The following STAU1 variants were observed in gnomAD, a reference collection of about 807,000 sequenced individuals.
STAU1 encodes staufen double-stranded RNA binding protein 1.
A neutral mutation model predicts 62.9 loss-of-function variants in STAU1; 13 were observed. That is an observed-to-expected ratio of 0.21 (90% CI 0.13 to 0.33). STAU1 has a LOEUF of 0.33. Among genes scored for constraint, STAU1 ranks in the 10% least tolerant of loss-of-function variants. The probability of loss-of-function intolerance (pLI) is 1.00; values close to 1 mark genes in which losing one functional copy is unlikely to be tolerated. For synonymous variants in STAU1, 269 were observed against 265.1 expected, an observed-to-expected ratio of 1.01 and a Z score of -0.14; for missense variants, 571 against 712.1, an observed-to-expected ratio of 0.80 and a Z score of 2.25.
Position 49,135,875 on chromosome 20 carries a change from C to T in STAU1, c.567G>A (p.Val189=). 1 of 1,613,972 alleles carries T rather than the reference C, an allele frequency of 6.2e-7. No individual in the cohort carries two copies. The highest frequency in any genetic ancestry group is 8.5e-7 in the Non-Finnish European group (1 of 1,179,990). ...ENLNKSEISQ[V]FEIALKRNLP... is the part of the protein sequence containing the mutation. ...AGTTCCGTTTAAGTGCAATCTCAAA[C>T]ACTTGACTTATTTCAGATTTATTGA... is the stretch of plus-strand genomic sequence containing the variant. Residue 189 remains valine (V), a synonymous_variant, in exon 6 of 14, where the codon GTG becomes GTA. Transcript: ENST00000371856.
intron 12 of STAU1, among the ~76,000 whole-genome samples, chr20:49,116,817 T>A (rs2092337919): frequency 6.6e-6 from 1 of 152,130 alleles, no homozygotes. Flanking sequence ...AATTCCTTGT[T>A]CTGGTGAGAG....
intron 6 of STAU1, among the ~76,000 whole-genome samples, chr20:49,125,462 G>A (rs1018936094): frequency 2.0e-4 from 30 of 149,906 alleles, no homozygotes; most frequent in African/African-American, 4.9e-4. Flanking sequence ...CCTGAGAGAC[G>A]GAGGTTGCAG....
At chr20:49,175,668 T>C (rs1238012614) in intron 1 of STAU1, among the ~76,000 whole-genome samples, 3 of 151,128 alleles carry the variant, frequency 2.0e-5, no homozygotes, top group Non-Finnish European at 2.9e-5. Flanking sequence ...TTATTTTTAG[T>C]AGAAATGGCA....
chr20:49,145,896 C>T (rs374363060), intron 5 of STAU1, among the ~76,000 whole-genome samples: 3 of 151,988 alleles, frequency 2.0e-5, no homozygotes, highest in African/African-American at 7.3e-5. Context: ...ATAGTGAGAC[C>T]TGTCTCTGTT....
At chr20:49,197,385 A>G in the STAU1 span, among the ~76,000 whole-genome samples, 1 of 146,488 alleles carries the variant, frequency 6.8e-6, no homozygotes, top group Non-Finnish European at 1.5e-5. Context: ...CATATACATA[A>G]TTTTCTTTTC....
intron 6 of STAU1, among the ~76,000 whole-genome samples, chr20:49,128,746 G>A: frequency 7.9e-6 from 1 of 126,130 alleles, no homozygotes; most frequent in East Asian, 2.3e-4. Flanking sequence ...TCAACAAACA[G>A]TGCAGGCACA....
chr20:49,191,047 A>G (rs565710790), upstream of STAU1, among the ~76,000 whole-genome samples: 1 of 141,782 alleles, frequency 7.1e-6, no homozygotes, highest in South Asian at 2.3e-4. Flanking sequence ...TTTTTTTTTG[A>G]GACAGAGTCT....
rs1211846097 is a variant in STAU1 at position 49,153,987 on chromosome 20, G to A, written c.290C>T (p.Ser97Phe). The A allele has an allele frequency of 6.2e-7, 1 of 1,613,364 alleles. No homozygotes were observed. ...KPMYKPVDPY[S>F]RMQSTYNYNM... ...GTAGTTATAGGTGGACTGCATCCGAGAGTAAGGGTCAACAGGCTTATACAT... is the reference window on the plus strand; with the variant it reads ...GTAGTTATAGGTGGACTGCATCCGAAAGTAAGGGTCAACAGGCTTATACAT... Residue 97 changes from serine (S) to phenylalanine (F), a missense_variant, in exon 4 of 14, where the codon TCT becomes TTT. This residue lies in a region of STAU1 where 414 missense variants were observed against 499.6 expected (regional missense o/e 0.83). Transcript: ENST00000371856.
intron 5 of STAU1, 65 bp from the exon 6 acceptor site, chr20:49,135,996 C>A: frequency 7.7e-7 from 1 of 1,290,832 alleles, no homozygotes. Context: ...TGAGTTGGTT[C>A]ATGCTTGTAA....
chr20:49,124,350 C>T, intron 7 of STAU1, 25 bp downstream of exon 7: 1 of 1,609,218 alleles, frequency 6.2e-7, no homozygotes, highest in Non-Finnish European at 8.5e-7. Context: ...ATGAAAACAC[C>T]TTCTGTGTTC....
chr20:49,203,846 C>G, the STAU1 span, among the ~76,000 whole-genome samples: 1 of 152,186 alleles, frequency 6.6e-6, no homozygotes, highest in East Asian at 1.9e-4. Flanking sequence ...GCCACCACGC[C>G]TGGCTAATTT....
At chr20:49,184,689 C>A (rs181018896) in intron 1 of STAU1, among the ~76,000 whole-genome samples, 3 of 152,140 alleles carry the variant, frequency 2.0e-5, no homozygotes, top group African/African-American at 7.2e-5. Context: ...AAAAGTTTTA[C>A]GTTAAGCTTA....
chr20:49,195,311 G>A, the STAU1 span, among the ~76,000 whole-genome samples: 2 of 151,788 alleles, frequency 1.3e-5, no homozygotes, highest in African/African-American at 4.8e-5. Flanking sequence ...GCCGAGGCAG[G>A]CGGATCACGA....
Position 49,117,730 on chromosome 20 carries a change from A to C in STAU1, c.1509+47T>G. ...TTCATTTTCTGAGAGAAGCCAAAAG[A>C]TGACTGTCCTGAGGCACAGCCATCA... is the stretch of plus-strand genomic sequence containing the variant. On this transcript the variant is annotated intron_variant, in intron 11 of 13. Coordinates refer to ENST00000371856, the MANE Select transcript of STAU1 (RefSeq NM_017453.4). The surrounding 1 kb of genome is among the most constrained non-coding windows in gnomAD (Gnocchi z 4.6). The C allele has an allele frequency of 6.6e-7, 1 of 1,525,448 alleles. No homozygotes were observed. The highest frequency in any genetic ancestry group is 8.8e-7 in the Non-Finnish European group (1 of 1,139,872). 94.5% of individuals were successfully genotyped at this position (1,525,448 alleles called of 1,614,324 possible). A position where few individuals can be genotyped will look rare whatever the true frequency, so the allele number is the denominator to read the frequency against.
At chr20:49,204,072 T>C in the STAU1 span, among the ~76,000 whole-genome samples, 1 of 152,290 alleles carries the variant, frequency 6.6e-6, no homozygotes, top group South Asian at 2.1e-4. Flanking sequence ...TTTTAATACT[T>C]ACAGAATACT....
chr20:49,181,975 A>T (rs1174620302), intron 1 of STAU1, among the ~76,000 whole-genome samples: 3 of 152,156 alleles, frequency 2.0e-5, no homozygotes, highest in Admixed American at 2.0e-4. Flanking sequence ...CCACATAGTC[A>T]TCACACTTCT....
At chr20:49,125,838 G>A (rs961636462) in intron 6 of STAU1, among the ~76,000 whole-genome samples, 3 of 151,928 alleles carry the variant, frequency 2.0e-5, no homozygotes, top group East Asian at 1.9e-4. Flanking sequence ...GTGGGACTCC[G>A]TCTCAAAAAG....
chr20:49,160,627 T>G (rs1251771730), intron 3 of STAU1, among the ~76,000 whole-genome samples: 1 of 152,204 alleles, frequency 6.6e-6, no homozygotes, highest in Non-Finnish European at 1.5e-5. Flanking sequence ...CTAAAAAGAC[T>G]GAATTCTTGA....
chr20:49,175,798 CTTTTTTT>C (rs386393906), intron 1 of STAU1, among the ~76,000 whole-genome samples: 4 of 104,824 alleles, frequency 3.8e-5, no homozygotes, highest in South Asian at 3.2e-4. Flanking sequence ...CTCATAATGC[CTTTTTTT>C]TTTTTTTTTG....
Sources: allele counts gnomAD v4.1 joint callset (sites outside exome capture counted in the v4.1 genomes callset), GRCh38; gene constraint gnomAD v4.1.1; regional missense constraint gnomAD v4.1.1; non-coding constraint Gnocchi (gnomAD v3.1); transcripts MANE v1.5; gene names NCBI Gene and HGNC (gene_info 2026-07-23, HGNC 2026-07-21).